Variants in C4BPA observed in about 807,000 individuals in gnomAD.
C4BPA encodes complement component 4 binding protein alpha, also known as C4b-binding protein alpha chain.
Under a neutral mutation model 63.7 loss-of-function variants are expected in C4BPA, and 31 were observed. The ratio of observed to expected loss-of-function variants is 0.49; its 90% CI spans 0.37 to 0.66. C4BPA has a LOEUF of 0.66. Ranked by LOEUF, C4BPA falls within the 30% of genes least tolerant of loss-of-function variation. The pLI, the probability that C4BPA is intolerant of heterozygous loss-of-function variation, is 0.00. For synonymous variants in C4BPA, 259 were observed against 254.7 expected, an observed-to-expected ratio of 1.02 and a Z score of -0.16; for missense variants, 572 against 723.3, an observed-to-expected ratio of 0.79 and a Z score of 2.40.
intron 10 of C4BPA, 131 bp downstream of exon 10, chr1:207,141,407 T>C (rs375886991): frequency 1.6e-6 from 1 of 634,916 alleles, no homozygotes; most frequent in Non-Finnish European, 2.6e-6. Context: ...ATAATCAATA[T>C]ATGCAAATGG....
At chr1:207,132,789 G>A (rs1166875917) in intron 8 of C4BPA, among the ~76,000 whole-genome samples, 1 of 152,204 alleles carries the variant, frequency 6.6e-6, no homozygotes, top group Non-Finnish European at 1.5e-5. Context: ...TTGGGAGGCT[G>A]AGGCGGGAGG....
At chr1:207,116,988 T>A (rs1684808156) in intron 4 of C4BPA, among the ~76,000 whole-genome samples, 1 of 152,216 alleles carries the variant, frequency 6.6e-6, no homozygotes. Context: ...ATGTATGCGT[T>A]TCACAGTCAT....
At chr1:207,135,921 A>G (rs991180497) in intron 9 of C4BPA, among the ~76,000 whole-genome samples, 1 of 152,182 alleles carries the variant, frequency 6.6e-6, no homozygotes, top group African/African-American at 2.4e-5. Context: ...GATGTAGTGG[A>G]TCCTATGCCA....
At chr1:207,120,434 G>C (rs1558090246) in intron 4 of C4BPA, among the ~76,000 whole-genome samples, 1 of 152,086 alleles carries the variant, frequency 6.6e-6, no homozygotes, top group Non-Finnish European at 1.5e-5. Context: ...AACTCTTGCT[G>C]CGTCCCCCAG....
chr1:207,125,081 TTA>T (rs57038326), intron 6 of C4BPA, among the ~76,000 whole-genome samples: 68,875 of 151,420 alleles, frequency 0.45, 17,351 homozygotes, highest in African/African-American at 0.7. Flanking sequence ...GAATCTTACT[TTA>T]TATTACTAAG....
At chr1:207,116,224 A>G (rs887676508) in intron 4 of C4BPA, among the ~76,000 whole-genome samples, 19 of 152,160 alleles carry the variant, frequency 1.2e-4, no homozygotes, top group African/African-American at 3.6e-4. Context: ...ATTTTTCCCA[A>G]TGTAAGAGGT....
Position 207,144,805 on chromosome 1 carries a change from T to A in C4BPA, c.*88T>A, listed in dbSNP as rs1685498250. ...TCAGTTTAGCAAATCTACTGTCAATTTGGCAGTGATATTCATCATAATAAA... is the reference window on the plus strand; with the variant it reads ...TCAGTTTAGCAAATCTACTGTCAATATGGCAGTGATATTCATCATAATAAA... On this transcript the variant is annotated 3_prime_UTR_variant, in exon 12 of 12. Coordinates refer to ENST00000367070, the MANE Select transcript of C4BPA (RefSeq NM_000715.4). 1 of 723,396 alleles carries A rather than the reference T, an allele frequency of 1.4e-6. No individual in the cohort carries two copies. The highest frequency in any genetic ancestry group is 1.8e-5 in the African/African-American group (1 of 54,804). 44.8% of individuals were successfully genotyped at this position (723,396 alleles called of 1,614,324 possible).
rs1381605661 is a variant in C4BPA at position 207,124,170 on chromosome 1, C to T, written c.515-5C>T. 5.0e-6 allele frequency: 8 copies of T among 1,611,460 alleles called. No individual in the cohort carries two copies. Among genetic ancestry groups the T allele is most frequent in the Non-Finnish European group, 6.8e-6 (8 of 1,178,088 alleles). On this transcript the variant is annotated splice_region_variant and splice_polypyrimidine_tract_variant and intron_variant, in intron 5 of 11. Coordinates refer to ENST00000367070, the MANE Select transcript of C4BPA (RefSeq NM_000715.4). The stretch of plus-strand genomic sequence containing the variant: ...TATTTCTTTCTCTTCACTCACTTAC[C>T]TCAGTTGTCAAGTGTAAGCCTCCTC...
At chr1:207,117,651 G>C (rs1207401374) in intron 4 of C4BPA, among the ~76,000 whole-genome samples, 3 of 152,068 alleles carry the variant, frequency 2.0e-5, no homozygotes, top group Admixed American at 6.5e-5. Flanking sequence ...CAAGTACATA[G>C]GAAACTTCAC....
intron 8 of C4BPA, among the ~76,000 whole-genome samples, chr1:207,132,758 C>T (rs776238487): frequency 2.0e-5 from 3 of 152,280 alleles, no homozygotes; most frequent in South Asian, 2.1e-4. Context: ...TGCGGTGGCT[C>T]CTACCTATAA....
Position 207,141,212 on chromosome 1 carries a change from G to A in C4BPA, c.1380G>A (p.Leu460=). The change falls in exon 10 of 12, where the codon CTG becomes CTA. Residue 460 remains leucine, a synonymous_variant. Transcript: ENST00000367070. ...IIYECDKGYI[L]VGQAKLSCSY... ...ATGAATGTGATAAAGGCTACATTCT[G>A]GTCGGACAGGCGAAACTCTCCTGCA... is the stretch of plus-strand genomic sequence containing the variant. The A allele has an allele frequency of 6.2e-7, 1 of 1,613,676 alleles. No individual in the cohort carries two copies. Among genetic ancestry groups the A allele is most frequent in the East Asian group, 2.2e-5 (1 of 44,854 alleles).
At chr1:207,143,706 A>G in intron 10 of C4BPA, 112 bp from the exon 11 acceptor site, 1 of 748,002 alleles carries the variant, frequency 1.3e-6, no homozygotes, top group South Asian at 1.8e-5. Flanking sequence ...AAATGAAGAG[A>G]AAGATAGAAC....
intron 9 of C4BPA, 149 bp from the exon 10 acceptor site, chr1:207,140,957 G>A: frequency 1.8e-6 from 1 of 546,426 alleles, no homozygotes; most frequent in Non-Finnish European, 3.2e-6. Flanking sequence ...GAGGAGAGCA[G>A]AAGTGTCTGG....
rs116964020 is a variant in C4BPA at position 207,131,931 on chromosome 1, C to A, written c.1084+191C>A. On this transcript the variant is annotated intron_variant, in intron 8 of 11. Coordinates refer to ENST00000367070, the MANE Select transcript of C4BPA (RefSeq NM_000715.4). ...AGTTTGAGGCACTGAGAAATTGTAA[C>A]CTTTCCTTATCCCAGTTCAGAATCA... Among the ~76,000 whole-genome samples the A allele has an allele frequency of 4.6e-4, 70 of 152,218 alleles. No individual in the cohort carries two copies. In the East Asian group the frequency reaches 0.013, roughly 28 times the overall value.
intron 9 of C4BPA, 97 bp downstream of exon 9, chr1:207,134,689 T>C: frequency 1.2e-6 from 1 of 816,094 alleles, no homozygotes; most frequent in Non-Finnish European, 1.9e-6. Context: ...AAAAAATTCA[T>C]ATACCTTGCA....
intron 1 of C4BPA, among the ~76,000 whole-genome samples, chr1:207,104,991 C>T (rs906724127): frequency 1.3e-5 from 2 of 152,254 alleles, no homozygotes; most frequent in African/African-American, 4.8e-5. Context: ...TCCTCATCTT[C>T]TTTACTTTCT....
intron 10 of C4BPA, among the ~76,000 whole-genome samples, chr1:207,142,893 G>A (rs1685451464): frequency 6.6e-6 from 1 of 151,968 alleles, no homozygotes; most frequent in Non-Finnish European, 1.5e-5. Flanking sequence ...TGGTGGGAGT[G>A]TAAATTAGTT....
intron 4 of C4BPA, among the ~76,000 whole-genome samples, chr1:207,117,860 G>A (rs898796727): frequency 6.6e-6 from 1 of 152,106 alleles, no homozygotes; most frequent in Non-Finnish European, 1.5e-5. Context: ...ATCTTGCTGT[G>A]TTTCAAGTGC....
intron 1 of C4BPA, among the ~76,000 whole-genome samples, chr1:207,106,813 T>A (rs1684571728): frequency 6.6e-6 from 1 of 152,220 alleles, no homozygotes; most frequent in African/African-American, 2.4e-5. Context: ...GTGAAAGAAA[T>A]CTCTGCGAAA....
Sources: gnomAD v4.1 joint callset for allele counts (sites outside exome capture counted in the v4.1 genomes callset) on GRCh38, gnomAD v4.1.1 for gene constraint, MANE v1.5 for transcripts, NCBI Gene and HGNC (gene_info 2026-07-23, HGNC 2026-07-21) for gene names.